Variants in MAN1A1 observed in about 807,000 individuals in gnomAD.
The protein encoded by MAN1A1 is mannosidase alpha class 1A member 1.
Under a neutral mutation model 70.8 loss-of-function variants are expected in MAN1A1, and 29 were observed. That is an observed-to-expected ratio of 0.41 (90% CI 0.31 to 0.56). MAN1A1 has a LOEUF of 0.56. Among genes scored for constraint, MAN1A1 ranks in the 20% least tolerant of loss-of-function variants. The pLI is 0.29. For missense variants in MAN1A1, 747 were observed against 841.3 expected (o/e 0.89, Z 1.39); for synonymous variants, 349 against 330.1 (o/e 1.06, Z -0.62).
At chr6:119,181,765 T>C (rs780330244) in intron 11 of MAN1A1, among the ~76,000 whole-genome samples, 2 of 152,238 alleles carry the variant, frequency 1.3e-5, no homozygotes, top group East Asian at 1.9e-4. Flanking sequence ...CAAATACAAA[T>C]AGTATATACT....
At chr6:119,273,064 A>G (rs906471040) in intron 5 of MAN1A1, among the ~76,000 whole-genome samples, 1 of 152,214 alleles carries the variant, frequency 6.6e-6, no homozygotes, top group African/African-American at 2.4e-5. Context: ...TCAAGACTTT[A>G]TAAGCTGAAT....
chr6:119,199,215 A>G (rs898901036), intron 8 of MAN1A1, among the ~76,000 whole-genome samples: 5 of 152,182 alleles, frequency 3.3e-5, no homozygotes, highest in African/African-American at 9.7e-5. Context: ...CCAAAATTCT[A>G]TTTTTTATTT....
At chr6:119,252,382 T>C (rs930586922) in intron 5 of MAN1A1, among the ~76,000 whole-genome samples, 2 of 152,180 alleles carry the variant, frequency 1.3e-5, no homozygotes, top group African/African-American at 4.8e-5. Flanking sequence ...AAAAGCAAAT[T>C]TGAGTGATTT....
rs993997968 is a variant in MAN1A1, at chr6:119,201,484, A to G, written c.1117-137T>C. The G allele has an allele frequency of 2.7e-5, 17 of 632,634 alleles. No homozygotes were observed. The Middle Eastern group carries it at 1.3e-3, about 48-fold the overall frequency. The allele number at this position is 632,634 out of a possible 1,614,324, so 39.2% of individuals were successfully genotyped here. Reference sequence around the variant, plus strand: ...ATAACTGCTGTTAGCTTATTATTACAAACATAATGGCAGTAAGTGAATATA... The same window carrying G: ...ATAACTGCTGTTAGCTTATTATTACGAACATAATGGCAGTAAGTGAATATA... On this transcript the variant is annotated intron_variant, in intron 7 of 12. Coordinates refer to ENST00000368468, the MANE Select transcript of MAN1A1 (RefSeq NM_005907.4).
intron 5 of MAN1A1, among the ~76,000 whole-genome samples, chr6:119,250,654 G>GTGT (rs1775293260): frequency 6.7e-6 from 1 of 148,708 alleles, no homozygotes; most frequent in Non-Finnish European, 1.5e-5. Flanking sequence ...CTCTCTGTGT[G>GTGT]TGTGTGTGTG....
Position 119,219,913 on chromosome 6 carries a change from C to CTTT in MAN1A1, c.993-15032_993-15031insAAA, listed in dbSNP as rs148415956. On this transcript the variant is annotated intron_variant, in intron 6 of 12. Coordinates refer to ENST00000368468, the MANE Select transcript of MAN1A1 (RefSeq NM_005907.4). ...ACATTATACAACTTAGTAAGAAAAG[C>CTTT]TAGGAAAATCTTGTCTGGTGATTTT... Among the ~76,000 whole-genome samples, 894 of 148,586 alleles carry CTTT rather than the reference C, an allele frequency of 6.0e-3. 8 individuals are homozygous for CTTT. Among genetic ancestry groups the CTTT allele is most frequent in the African/African-American group, 0.021 (849 of 40,742 alleles).
At chr6:119,296,905 T>C (rs568600341) in intron 4 of MAN1A1, among the ~76,000 whole-genome samples, 1 of 152,206 alleles carries the variant, frequency 6.6e-6, no homozygotes. Flanking sequence ...TACTGAGATA[T>C]CGCTTTACTG....
intron 5 of MAN1A1, among the ~76,000 whole-genome samples, chr6:119,278,470 A>T (rs933694650): frequency 1.3e-5 from 2 of 152,180 alleles, no homozygotes; most frequent in African/African-American, 4.8e-5. Flanking sequence ...TACTCAGTAC[A>T]TATTTTAGTA....
chr6:119,202,457 T>C lies in MAN1A1; in HGVS notation c.1117-1110A>G, dbSNP rs576392581. On this transcript the variant is annotated intron_variant, in intron 7 of 12. Coordinates refer to ENST00000368468, the MANE Select transcript of MAN1A1 (RefSeq NM_005907.4). ...AGGAATACCTCTTGAAGGACCTTGC[T>C]TCTAGAGCTAACTTAAAAAAAAAGT... Among the ~76,000 whole-genome samples, 4 of 152,298 alleles carry C rather than the reference T, an allele frequency of 2.6e-5. No individual in the cohort carries two copies. In the South Asian group the frequency reaches 8.3e-4, roughly 32 times the overall value.
chr6:119,314,027 T>A (rs1016571294), intron 2 of MAN1A1, among the ~76,000 whole-genome samples: 8 of 152,058 alleles, frequency 5.3e-5, no homozygotes, highest in African/African-American at 1.9e-4. Context: ...CAGTTTGCAC[T>A]GCAACCTCTA....
At chr6:119,342,646 CAG>C (rs984457747) in intron 2 of MAN1A1, among the ~76,000 whole-genome samples, 2 of 152,198 alleles carry the variant, frequency 1.3e-5, no homozygotes, top group African/African-American at 4.8e-5. Context: ...ATGGATGGAT[CAG>C]AGACAGGTAA....
At chr6:119,241,140 G>C (rs1774992859) in intron 6 of MAN1A1, among the ~76,000 whole-genome samples, 1 of 151,870 alleles carries the variant, frequency 6.6e-6, no homozygotes, top group African/African-American at 2.4e-5. Flanking sequence ...TTACTTTCTA[G>C]TCTCACTGGA....
At chr6:119,305,817 C>T (rs1452691889) in intron 3 of MAN1A1, among the ~76,000 whole-genome samples, 1 of 152,102 alleles carries the variant, frequency 6.6e-6, no homozygotes, top group Non-Finnish European at 1.5e-5. Flanking sequence ...TTCATTATCA[C>T]CAGTGCTACA....
At chr6:119,232,709 GTGTGTGTGTA>G (rs554258214) in intron 6 of MAN1A1, among the ~76,000 whole-genome samples, 1,684 of 148,322 alleles carry the variant, frequency 0.011, 35 homozygotes, top group East Asian at 0.089. Context: ...GTGTGTGTGT[GTGTGTGTGTA>G]TATTTGGAAA....
chr6:119,214,132 ATT>A (rs2114960543), intron 6 of MAN1A1, among the ~76,000 whole-genome samples: 1 of 152,090 alleles, frequency 6.6e-6, no homozygotes, highest in African/African-American at 2.4e-5. Flanking sequence ...ACCTGGCTTA[ATT>A]TTTGTATTTT....
At chr6:119,210,160 T>C (rs1437567917) in intron 6 of MAN1A1, among the ~76,000 whole-genome samples, 1 of 152,156 alleles carries the variant, frequency 6.6e-6, no homozygotes, top group Non-Finnish European at 1.5e-5. Flanking sequence ...AAGACAAAGA[T>C]GGCGAGAGGC....
At chr6:119,346,797 C>T (rs896487014) in intron 2 of MAN1A1, among the ~76,000 whole-genome samples, 46 of 152,180 alleles carry the variant, frequency 3.0e-4, no homozygotes, top group African/African-American at 8.0e-4. Context: ...ACTGGCAGCT[C>T]GTATGACTTT....
At chr6:119,335,993 T>C (rs1773440060) in intron 2 of MAN1A1, among the ~76,000 whole-genome samples, 1 of 152,220 alleles carries the variant, frequency 6.6e-6, no homozygotes, top group African/African-American at 2.4e-5. Context: ...CAGTATCACC[T>C]AGCAACATGC....
chr6:119,290,011 C>T (rs139201951), intron 5 of MAN1A1, among the ~76,000 whole-genome samples: 2,272 of 152,082 alleles, frequency 0.015, 26 homozygotes, highest in Non-Finnish European at 0.024. Context: ...GACACTCAAA[C>T]GATATTCATA....
Sources: gnomAD v4.1 joint callset for allele counts (sites outside exome capture counted in the v4.1 genomes callset) on GRCh38, gnomAD v4.1.1 for gene constraint, MANE v1.5 for transcripts, NCBI Gene and HGNC (gene_info 2026-07-23, HGNC 2026-07-21) for gene names.